The following PRSS27 variants were observed in gnomAD, a reference collection of about 807,000 sequenced individuals.
PRSS27 encodes the protein channel-activating protease 2.
Under a neutral mutation model 32.0 loss-of-function variants are expected in PRSS27, and 25 were observed. That is an observed-to-expected ratio of 0.78 (90% CI 0.57 to 1.09). PRSS27 has a LOEUF of 1.09. PRSS27 is among the 50% of genes least tolerant of loss of function. The probability of loss-of-function intolerance (pLI) is 0.00; values close to 1 mark genes in which losing one functional copy is unlikely to be tolerated. For missense variants in PRSS27, 401 were observed against 394.9 expected (o/e 1.02, Z -0.13); for synonymous variants, 178 against 172.2 (o/e 1.03, Z -0.26).
intron 1 of PRSS27, chr16:2,716,944 C>T (rs1272101638): frequency 4.6e-6 from 1 of 215,590 alleles, no homozygotes; most frequent in Non-Finnish European, 9.5e-6. Context: ...CCCGGAACAG[C>T]TCAGAGCGGA....
At position 2,714,003 on chromosome 16, in the gene PRSS27, C is replaced by T. The variant is rs2067683597; in HGVS notation, c.508+62G>A. On this transcript the variant is annotated intron_variant, in intron 4 of 5. Coordinates refer to ENST00000302641, the MANE Select transcript of PRSS27 (RefSeq NM_031948.5). The surrounding 1 kb of genome is among the most constrained non-coding windows in gnomAD (Gnocchi z 4.7). ...GAAGATTGTGGGTTCAGAGTGGTCC[C>T]CAAGCCGTCCTGGGCCTTCTTGAGG... 1 of 1,523,492 alleles carries T rather than the reference C, an allele frequency of 6.6e-7. No individual in the cohort carries two copies. Among genetic ancestry groups the T allele is most frequent in the Non-Finnish European group, 8.9e-7 (1 of 1,126,442 alleles). 94.4% of individuals were successfully genotyped at this position (1,523,492 alleles called of 1,614,324 possible). A position where few individuals can be genotyped will look rare whatever the true frequency, so the allele number is the denominator to read the frequency against.
chr16:2,713,738 C>T, intron 4 of PRSS27, 40 bp from the exon 5 acceptor site: 1 of 1,605,014 alleles, frequency 6.2e-7, no homozygotes, highest in Non-Finnish European at 8.5e-7. Flanking sequence ...AACGGACTTC[C>T]TCATCAAGAA....
chr16:2,714,343 G>A lies in PRSS27; in HGVS notation c.237-7C>T. The A allele has an allele frequency of 5.6e-6, 9 of 1,611,710 alleles. No homozygotes were observed. Among genetic ancestry groups the A allele is most frequent in the Non-Finnish European group, 7.6e-6 (9 of 1,179,952 alleles). On this transcript the variant is annotated splice_region_variant and splice_polypyrimidine_tract_variant and intron_variant, in intron 3 of 5. Transcript: ENST00000302641. This position sits in a 1 kb window ranked among gnomAD's most constrained non-coding sequence, Gnocchi z 4.7. ...CAGGGACGTCTCAGAGGTGCTGGCGGGAGAAACAGAGAGGCGGCGTGAGGC... is the reference window on the plus strand; with the variant it reads ...CAGGGACGTCTCAGAGGTGCTGGCGAGAGAAACAGAGAGGCGGCGTGAGGC...
chr16:2,716,602 CA>C, intron 1 of PRSS27, 76 bp from the exon 2 acceptor site: 1 of 1,396,278 alleles, frequency 7.2e-7, no homozygotes, highest in Non-Finnish European at 9.9e-7. Flanking sequence ...AGCCCCTCTC[CA>C]CTGACCCTCC....
intron 3 of PRSS27, 43 bp downstream of exon 3, chr16:2,715,675 C>G (rs761231399): frequency 2.7e-6 from 4 of 1,503,452 alleles, no homozygotes; most frequent in East Asian, 2.4e-5. Context: ...GCGCGCGGGG[C>G]GCTGTCAGCG....
rs775776196 is a variant in PRSS27 at position 2,714,001 on chromosome 16, C to A, written c.508+64G>T. ...AGGAAGATTGTGGGTTCAGAGTGGT[C>A]CCCAAGCCGTCCTGGGCCTTCTTGA... On this transcript the variant is annotated intron_variant, in intron 4 of 5. Coordinates refer to ENST00000302641, the MANE Select transcript of PRSS27 (RefSeq NM_031948.5). The surrounding 1 kb of genome is among the most constrained non-coding windows in gnomAD (Gnocchi z 4.7). The A allele has an allele frequency of 1.3e-6, 2 of 1,517,794 alleles. No individual in the cohort carries two copies. The highest frequency in any genetic ancestry group is 1.3e-5 in the South Asian group (1 of 78,650). 94.0% of individuals were successfully genotyped at this position (1,517,794 alleles called of 1,614,324 possible).
At chr16:2,713,109 T>C (rs1183351081) in intron 5 of PRSS27, 2 of 495,174 alleles carry the variant, frequency 4.0e-6, no homozygotes, top group East Asian at 6.6e-5. Flanking sequence ...TTCTTTTTTT[T>C]TTTTATTGAG....
intron 5 of PRSS27, chr16:2,713,250 C>G (rs984399281): frequency 1.3e-5 from 6 of 472,026 alleles, no homozygotes; most frequent in Non-Finnish European, 2.4e-5. Flanking sequence ...AGGCGCCCAC[C>G]ACCACGCCTG....
intron 4 of PRSS27, 61 bp from the exon 5 acceptor site, chr16:2,713,759 C>T (rs140778711): frequency 1.4e-5 from 21 of 1,554,988 alleles, no homozygotes; most frequent in East Asian, 9.2e-5. Flanking sequence ...CCCACGGCCC[C>T]GGGAACCACC....
At chr16:2,716,017 C>A in intron 2 of PRSS27, 137 bp from the exon 3 acceptor site, 1 of 734,052 alleles carries the variant, frequency 1.4e-6, no homozygotes, top group Non-Finnish European at 2.1e-6. Flanking sequence ...AGTCGGAGGC[C>A]TGGGCTTCGG....
Position 2,712,781 on chromosome 16 carries a change from C to T in PRSS27, c.712G>A (p.Gly238Ser), listed in dbSNP as rs1435927173. ...DSGGPLVCLV[G>S]QSWLQAGVIS... ...ACCCCCGCCTGCAGCCACGACTGAC[C>T]CACGAGGCACACCAGGGGGCCGCCC... Residue 238 changes from glycine (G) to serine (S), a missense_variant, in exon 6 of 6, where the codon GGT (glycine) becomes AGT (serine). By Grantham distance (56) the Gly-to-Ser change is moderately conservative. Coordinates refer to ENST00000302641, the MANE Select transcript of PRSS27 (RefSeq NM_031948.5). This position sits in a 1 kb window ranked among gnomAD's most constrained non-coding sequence, Gnocchi z 4.6. 23 of 1,584,774 alleles carry T rather than the reference C, an allele frequency of 1.5e-5. No homozygotes were observed. Among genetic ancestry groups the T allele is most frequent in the Non-Finnish European group, 2.0e-5 (23 of 1,163,162 alleles).
Position 2,714,724 on chromosome 16 carries a change from C to T in PRSS27, c.237-388G>A, listed in dbSNP as rs1163728340. The T allele has an allele frequency of 3.8e-6, 1 of 260,398 alleles. No homozygotes were observed. Among genetic ancestry groups the T allele is most frequent in the Non-Finnish European group, 7.5e-6 (1 of 133,004 alleles). The allele number at this position is 260,398 out of a possible 1,614,324, so 16.1% of individuals were successfully genotyped here. A position where few individuals can be genotyped will look rare whatever the true frequency, so the allele number is the denominator to read the frequency against. ...CTCTGGCAGGTGACCTGCCCTCTCT[C>T]AGCCCGAGTTTCCGATTTTTTTTTT... On this transcript the variant is annotated intron_variant, in intron 3 of 5. Coordinates refer to ENST00000302641, the MANE Select transcript of PRSS27 (RefSeq NM_031948.5). The surrounding 1 kb of genome is among the most constrained non-coding windows in gnomAD (Gnocchi z 4.7).
rs1169816115 is a variant in PRSS27, at chr16:2,712,719, G to A, written c.774C>T (p.Arg258=). 6.3e-7 allele frequency: 1 copy of A among 1,591,130 alleles called. No individual in the cohort carries two copies. The highest frequency in any genetic ancestry group is 1.1e-5 in the South Asian group (1 of 87,712). The change falls in exon 6 of 6, where the codon CGC becomes CGT. Residue 258 remains arginine, a synonymous_variant. Coordinates refer to ENST00000302641, the MANE Select transcript of PRSS27 (RefSeq NM_031948.5). This position sits in a 1 kb window ranked among gnomAD's most constrained non-coding sequence, Gnocchi z 4.6. ...SWGEGCARQN[R]PGVYIRVTAH... Reference sequence around the variant, plus strand: ...CGGTGACACGGATGTAGACACCTGGGCGGTTCTGGCGGGCACAGCCCTCAC... The same window carrying A: ...CGGTGACACGGATGTAGACACCTGGACGGTTCTGGCGGGCACAGCCCTCAC...
chr16:2,719,889 G>A (rs919782283), intron 1 of PRSS27, among the ~76,000 whole-genome samples: 2 of 152,160 alleles, frequency 1.3e-5, no homozygotes, highest in African/African-American at 4.8e-5. Flanking sequence ...ATGCCGGTGG[G>A]GTCCTCTGGG....
At chr16:2,718,900 G>T (rs2067718499) in intron 1 of PRSS27, among the ~76,000 whole-genome samples, 1 of 152,162 alleles carries the variant, frequency 6.6e-6, no homozygotes, top group Admixed American at 6.5e-5. Flanking sequence ...GGGGGATGTG[G>T]ACAGCTGAGC....
chr16:2,715,981 C>T lies in PRSS27; in HGVS notation c.74-101G>A, dbSNP rs1451827532. 5 of 1,052,704 alleles carry T rather than the reference C, an allele frequency of 4.7e-6. No homozygotes were observed. In the African/African-American group the frequency reaches 4.8e-5, roughly 10 times the overall value. 65.2% of individuals were successfully genotyped at this position (1,052,704 alleles called of 1,614,324 possible). On this transcript the variant is annotated intron_variant, in intron 2 of 5. Transcript: ENST00000302641. ...CACTCCAGTCCTCGGCCCTCCTGCC[C>T]CTGACCTGCCCGAAGACCTTGGGGA...
rs1388549597 is a variant in PRSS27 at position 2,712,853 on chromosome 16, A to G, written c.679-39T>C. The G allele has an allele frequency of 1.4e-6, 2 of 1,449,212 alleles. No homozygotes were observed. Among genetic ancestry groups the G allele is most frequent in the Non-Finnish European group, 1.8e-6 (2 of 1,092,110 alleles). The allele number at this position is 1,449,212 out of a possible 1,614,324, so 89.8% of individuals were successfully genotyped here. On this transcript the variant is annotated intron_variant, in intron 5 of 5. Transcript: ENST00000302641. This position sits in a 1 kb window ranked among gnomAD's most constrained non-coding sequence, Gnocchi z 4.6. ...AGAGTCACCGTCAGAGCCCACCTTG[A>G]GTTCCCAGAGACTCAGTTGCAGCCG...
At chr16:2,718,763 C>T (rs893533592) in intron 1 of PRSS27, among the ~76,000 whole-genome samples, 2 of 152,188 alleles carry the variant, frequency 1.3e-5, no homozygotes, top group African/African-American at 2.4e-5. Flanking sequence ...TCTACATCAC[C>T]CTGGAGCCAG....
At chr16:2,715,423 G>A (rs1051772366) in intron 3 of PRSS27, 2 of 372,770 alleles carry the variant, frequency 5.4e-6, no homozygotes, top group Non-Finnish European at 4.9e-6. Context: ...GGTGGGCAGA[G>A]CCTGCCGGGC....
Sources: gnomAD v4.1 joint callset for allele counts (sites outside exome capture counted in the v4.1 genomes callset) on GRCh38, gnomAD v4.1.1 for gene constraint, Gnocchi (gnomAD v3.1) non-coding constraint, MANE v1.5 for transcripts, NCBI Gene and HGNC (gene_info 2026-07-23, HGNC 2026-07-21) for gene names.